The following ZNF234 variants were observed in gnomAD, a reference collection of about 807,000 sequenced individuals.
The protein encoded by ZNF234 is zinc finger protein 234.
A neutral mutation model predicts 10.3 loss-of-function variants in ZNF234; 4 were observed. That is an observed-to-expected ratio of 0.39 (90% CI 0.19 to 0.89). ZNF234 has a LOEUF of 0.89. ZNF234 is among the 40% of genes least tolerant of loss of function. The pLI is 0.38. For synonymous variants in ZNF234, 258 were observed against 280.1 expected, an observed-to-expected ratio of 0.92 and a Z score of 0.79; for missense variants, 711 against 836.1, an observed-to-expected ratio of 0.85 and a Z score of 1.85.
Position 44,157,105 on chromosome 19 carries a change from G to C in ZNF234, c.1089G>C (p.Arg363=), listed in dbSNP as rs761801709. The C allele has an allele frequency of 3.1e-6, 5 of 1,614,016 alleles. No individual in the cohort carries two copies. Among genetic ancestry groups the C allele is most frequent in the Admixed American group, 1.7e-5 (1 of 59,982 alleles). ...AGCCTTCACAATTTCAGGCCCATCG[G>C]AGAATCCACACTGGAGAGAAACCAT... ...FIQPSQFQAH[R]RIHTGEKPYV... Residue 363 remains arginine (R), a synonymous_variant, in exon 6 of 6, where the codon CGG becomes CGC. Transcript: ENST00000426739.
In ZNF234 at chr19:44,156,855, G is replaced by T. The variant is rs773419854; in HGVS notation, c.839G>T (p.Arg280Ile). 6.8e-6 allele frequency: 11 copies of T among 1,613,366 alleles called. No individual in the cohort carries two copies. In the Middle Eastern group the frequency reaches 1.3e-3, roughly 194 times the overall value. ...GCTTCCCATCTTCAGGAACATCAGA[G>T]AATTCATACTGGGGAGAAACCATTC... is the stretch of plus-strand genomic sequence containing the variant. Reference protein sequence around the residue: ...IHASHLQEHQRIHTGEKPFKC... With the variant: ...IHASHLQEHQIIHTGEKPFKC... Residue 280 changes from arginine (R) to isoleucine (I), a missense_variant, in exon 6 of 6, where the codon AGA (arginine) becomes ATA (isoleucine). By Grantham distance (97) the Arg-to-Ile change is moderately conservative. Transcript: ENST00000426739.
rs1361933307 is a variant in ZNF234, at chr19:44,158,552, G to A, written c.*433G>A. On this transcript the variant is annotated 3_prime_UTR_variant, in exon 6 of 6. Coordinates refer to ENST00000426739, the MANE Select transcript of ZNF234 (RefSeq NM_006630.3). ...AGCCACCGCCCCTGGCCTCCATCTA[G>A]ACTTTGAAATGATTGCCTTCTAATT... The A allele has an allele frequency of 4.8e-6, 1 of 209,272 alleles. No individual in the cohort carries two copies. The highest frequency in any genetic ancestry group is 5.3e-5 in the Admixed American group (1 of 18,764). 13.0% of individuals were successfully genotyped at this position (209,272 alleles called of 1,614,324 possible).
chr19:44,159,471 G>C lies in ZNF234; in HGVS notation c.*1352G>C, dbSNP rs1228458098. 1.9e-5 allele frequency: 6 copies of C among 311,436 alleles called. No individual in the cohort carries two copies. Among genetic ancestry groups the C allele is most frequent in the Non-Finnish European group, 3.4e-5 (5 of 145,310 alleles). The allele number at this position is 311,436 out of a possible 1,614,324, so 19.3% of individuals were successfully genotyped here. ...TTACAGGCGTAAGCCACCACACCCG[G>C]CCAAGTTGAAGTATATTTTGTGATT... On this transcript the variant is annotated 3_prime_UTR_variant, in exon 6 of 6. Transcript: ENST00000426739.
In ZNF234 at chr19:44,157,803, A is replaced by G. The variant is rs1203381138; in HGVS notation, c.1787A>G (p.Tyr596Cys). ...HQRVHTGEKP[Y>C]TCGECGKHFS... The stretch of plus-strand genomic sequence containing the variant: ...AGGGTGCACACAGGAGAAAAACCCT[A>G]TACATGTGGGGAGTGTGGGAAGCAC... The change falls in exon 6 of 6, where the codon TAT becomes TGT. Residue 596 changes from tyrosine (Y) to cysteine (C), a missense_variant. Coordinates refer to ENST00000426739, the MANE Select transcript of ZNF234 (RefSeq NM_006630.3). The G allele has an allele frequency of 1.9e-6, 3 of 1,613,714 alleles. No homozygotes were observed. The South Asian group carries it at 3.3e-5, about 18-fold the overall frequency.
chr19:44,150,500 A>T lies in ZNF234; in HGVS notation c.230A>T (p.Lys77Ile), dbSNP rs1968713955. 1.3e-6 allele frequency: 2 copies of T among 1,578,980 alleles called. No homozygotes were observed. The highest frequency in any genetic ancestry group is 1.7e-6 in the Non-Finnish European group (2 of 1,161,786). Reference protein sequence around the residue: ...IMKTATQRKGKSADKIQSEVE... With the variant: ...IMKTATQRKGISADKIQSEVE... ...AAGACAGCAACTCAAAGAAAAGGGA[A>T]ATCAGGTAAGAACCAAGCAGCTAAG... The change falls in exon 5 of 6, where the codon AAA (lysine) becomes ATA (isoleucine). Residue 77 changes from lysine (K) to isoleucine (I), a missense_variant. Physicochemically the swap from Lys to Ile is moderately radical, Grantham distance 102. Transcript: ENST00000426739.
intron 2 of ZNF234, 79 bp from the exon 3 acceptor site, chr19:44,144,478 T>C (rs184651099): frequency 1.7e-4 from 87 of 514,236 alleles, no homozygotes; most frequent in Non-Finnish European, 1.4e-4. Flanking sequence ...ACCATTCGTG[T>C]GCTAATTCAC....
intron 5 of ZNF234, among the ~76,000 whole-genome samples, chr19:44,154,806 A>T (rs1555779877): frequency 6.6e-6 from 1 of 151,808 alleles, no homozygotes; most frequent in Non-Finnish European, 1.5e-5. Context: ...CAATTTTTTT[A>T]AAAGTTTTTT....
chr19:44,144,281 GCTT>G (rs1968538601), intron 2 of ZNF234, among the ~76,000 whole-genome samples: 1 of 152,078 alleles, frequency 6.6e-6, no homozygotes, highest in Non-Finnish European at 1.5e-5. Context: ...GGTGTGCCTG[GCTT>G]CTTTCACTCA....
At chr19:44,149,217 A>G (rs1352418154) in intron 4 of ZNF234, among the ~76,000 whole-genome samples, 1 of 152,176 alleles carries the variant, frequency 6.6e-6, no homozygotes, top group African/African-American at 2.4e-5. Context: ...AGGCAGGTGG[A>G]TCACCTGAGG....
At chr19:44,148,160 C>A (rs1968649865) in intron 3 of ZNF234, among the ~76,000 whole-genome samples, 1 of 151,916 alleles carries the variant, frequency 6.6e-6, no homozygotes, top group South Asian at 2.1e-4. Context: ...ACTATCATAC[C>A]AAGATGAAAC....
rs1968464257 is a variant in ZNF234 at position 44,141,608 on chromosome 19, A to C, written c.-256A>C. ...GAAGAGGGGGCGATTGTCACGGCACATTCCACGGTAGTTTCTTCCAGTTCC... is the reference window on the plus strand; with the variant it reads ...GAAGAGGGGGCGATTGTCACGGCACCTTCCACGGTAGTTTCTTCCAGTTCC... On this transcript the variant is annotated 5_prime_UTR_variant, in exon 1 of 6. Transcript: ENST00000426739. The surrounding 1 kb of genome is among the most constrained non-coding windows in gnomAD (Gnocchi z 4.6). 1 of 152,284 alleles carries C rather than the reference A, an allele frequency of 6.6e-6. No individual in the cohort carries two copies. The allele number at this position is 152,284 out of a possible 1,614,324, so 9.4% of individuals were successfully genotyped here.
intron 5 of ZNF234, among the ~76,000 whole-genome samples, chr19:44,153,238 A>T (rs947756622): frequency 1.4e-5 from 2 of 147,284 alleles, no homozygotes; most frequent in Non-Finnish European, 3.0e-5. Context: ...CCAAGGTGTC[A>T]CGGTTGGAAA....
rs1968944622 is a variant in ZNF234, at chr19:44,157,898, G to A, written c.1882G>A (p.Val628Ile). 3 of 1,614,164 alleles carry A rather than the reference G, an allele frequency of 1.9e-6. No homozygotes were observed. The highest frequency in any genetic ancestry group is 1.7e-6 in the Non-Finnish European group (2 of 1,180,036). Residue 628 changes from valine to isoleucine, a missense_variant, in exon 6 of 6, where the codon GTA becomes ATA. Coordinates refer to ENST00000426739, the MANE Select transcript of ZNF234 (RefSeq NM_006630.3). Reference sequence around the variant, plus strand: ...AGGAGAGAAACCATACAAATGTGATGTATGTGGTAAAGTCTTCAGTCGGTC... The same window carrying A: ...AGGAGAGAAACCATACAAATGTGATATATGTGGTAAAGTCTTCAGTCGGTC... The part of the protein sequence containing the change: ...HTGEKPYKCD[V>I]CGKVFSRSSQ...
intron 5 of ZNF234, among the ~76,000 whole-genome samples, chr19:44,152,305 CCT>C (rs1332148241): frequency 1.3e-5 from 2 of 152,090 alleles, no homozygotes; most frequent in Non-Finnish European, 2.9e-5. Flanking sequence ...CCTAAATAGT[CCT>C]GTTACATGGC....
rs759705049 is a variant in ZNF234 at position 44,148,785 on chromosome 19, C to A, written c.30C>A (p.Phe10Leu). 2 of 1,613,886 alleles carry A rather than the reference C, an allele frequency of 1.2e-6. No individual in the cohort carries two copies. Among genetic ancestry groups the A allele is most frequent in the Middle Eastern group, 1.7e-4 (1 of 6,058 alleles). Reference protein sequence around the residue: MTTFKEGLTFKDVAVVFTEE... With the variant: MTTFKEGLTLKDVAVVFTEE... ...TGATGTTATAGGAGGGACTGACCTT[C>A]AAGGATGTGGCTGTGGTCTTCACTG... Residue 10 changes from phenylalanine to leucine, a missense_variant, in exon 4 of 6, where the codon TTC (phenylalanine) becomes TTA (leucine). Transcript: ENST00000426739.
At chr19:44,153,998 C>G (rs980513400) in intron 5 of ZNF234, among the ~76,000 whole-genome samples, 9 of 152,190 alleles carry the variant, frequency 5.9e-5, no homozygotes, top group African/African-American at 1.9e-4. Context: ...CATTAAACAA[C>G]CAGTAATTTA....
chr19:44,152,392 C>A (rs944470722), intron 5 of ZNF234, among the ~76,000 whole-genome samples: 4 of 152,188 alleles, frequency 2.6e-5, no homozygotes, highest in Non-Finnish European at 4.4e-5. Flanking sequence ...CTCTAGGGGT[C>A]TTGCAGCTAG....
intron 5 of ZNF234, 89 bp downstream of exon 5, chr19:44,150,594 T>C: frequency 9.2e-7 from 1 of 1,082,856 alleles, no homozygotes; most frequent in Middle Eastern, 2.0e-4. Context: ...GGGTCCAAAT[T>C]GCCAAACCTC....
chr19:44,153,437 C>T (rs1968798013), intron 5 of ZNF234, among the ~76,000 whole-genome samples: 1 of 151,906 alleles, frequency 6.6e-6, no homozygotes, highest in Non-Finnish European at 1.5e-5. Context: ...CAGAAGGACC[C>T]CTTTCCTGCT....
Sources: gnomAD v4.1 joint callset for allele counts (sites outside exome capture counted in the v4.1 genomes callset) on GRCh38, gnomAD v4.1.1 for gene constraint, Gnocchi (gnomAD v3.1) non-coding constraint, MANE v1.5 for transcripts, NCBI Gene and HGNC (gene_info 2026-07-23, HGNC 2026-07-21) for gene names.